Variants in NSUN6 observed in about 807,000 individuals in gnomAD.
NSUN6 encodes the protein NOP2/Sun RNA methyltransferase 6, also known as tRNA (cytosine(72)-C(5))-methyltransferase NSUN6.
A neutral mutation model predicts 58.0 loss-of-function variants in NSUN6; 64 were observed. That is an observed-to-expected ratio of 1.10 (90% CI 0.90 to 1.36). The LOEUF is 1.36. Ranked by LOEUF, NSUN6 falls within the 40% of genes most tolerant of loss-of-function variation. The pLI is 0.00. For synonymous variants in NSUN6, 231 were observed against 193.9 expected (o/e 1.19, Z -1.59); for missense variants, 701 against 550.1 (o/e 1.27, Z -2.74).
At chr10:18,575,196 ATGGTTGTATAGGAATTTATACCC>A (rs1394177125) in intron 8 of NSUN6, among the ~76,000 whole-genome samples, 1 of 152,180 alleles carries the variant, frequency 6.6e-6, no homozygotes, top group Non-Finnish European at 1.5e-5. Context: ...CTCAGAGTTT[ATGGTTGTATAGGAATTTATACCC>A]TGGCCAAACA....
At chr10:18,577,147 G>C (rs1031686112) in intron 8 of NSUN6, among the ~76,000 whole-genome samples, 1 of 152,154 alleles carries the variant, frequency 6.6e-6, no homozygotes, top group African/African-American at 2.4e-5. Context: ...GAGCAATTAG[G>C]GGCTACTAGC....
At chr10:18,645,101 T>C (rs1045998508) in intron 2 of NSUN6, among the ~76,000 whole-genome samples, 1 of 140,506 alleles carries the variant, frequency 7.1e-6, no homozygotes, top group Admixed American at 7.8e-5. Flanking sequence ...GAGGTTGCAG[T>C]GAGCTGAGAT....
intron 9 of NSUN6, among the ~76,000 whole-genome samples, chr10:18,548,991 C>A (rs2054450936): frequency 6.6e-6 from 1 of 152,164 alleles, no homozygotes; most frequent in Non-Finnish European, 1.5e-5. Context: ...GCCTCTTTAT[C>A]TTTTGCCTGG....
At chr10:18,626,746 A>G (rs1210726662) in intron 3 of NSUN6, among the ~76,000 whole-genome samples, 1 of 151,974 alleles carries the variant, frequency 6.6e-6, no homozygotes, top group East Asian at 1.9e-4. Flanking sequence ...TAGCTTGGGC[A>G]ACAAGGGCAA....
At chr10:18,594,913 T>G (rs979015666) in intron 7 of NSUN6, among the ~76,000 whole-genome samples, 3 of 151,944 alleles carry the variant, frequency 2.0e-5, no homozygotes, top group Non-Finnish European at 4.4e-5. Flanking sequence ...TAAGCAGAGG[T>G]TTTTTTTAAT....
chr10:18,626,267 T>A (rs1049436272), intron 3 of NSUN6, among the ~76,000 whole-genome samples: 1 of 148,552 alleles, frequency 6.7e-6, no homozygotes, highest in Admixed American at 6.7e-5. Flanking sequence ...TGGCCAGGCA[T>A]GGTGGCTCCT....
intron 9 of NSUN6, among the ~76,000 whole-genome samples, chr10:18,550,956 C>A (rs2082071104): frequency 6.6e-6 from 1 of 152,092 alleles, no homozygotes; most frequent in African/African-American, 2.4e-5. Context: ...GAACTCCTGA[C>A]CTCAGGTGAT....
chr10:18,633,688 G>C (rs1027614835), intron 3 of NSUN6, among the ~76,000 whole-genome samples: 1 of 152,108 alleles, frequency 6.6e-6, no homozygotes, highest in Non-Finnish European at 1.5e-5. Flanking sequence ...GTTCAGAGGA[G>C]TCAAGTCTGA....
At chr10:18,646,977 C>A (rs2171922) in intron 2 of NSUN6, among the ~76,000 whole-genome samples, 31,028 of 152,030 alleles carry the variant, frequency 0.2, 3,386 homozygotes, top group South Asian at 0.29. Context: ...ATGTTTTATA[C>A]CTGTCATTAC....
At chr10:18,608,730 T>G (rs565176008) in intron 6 of NSUN6, among the ~76,000 whole-genome samples, 1 of 151,332 alleles carries the variant, frequency 6.6e-6, no homozygotes, top group African/African-American at 2.4e-5. Flanking sequence ...CATTATTAAC[T>G]GGAAGGAGTG....
chr10:18,595,600 G>C (rs956905372), intron 7 of NSUN6, among the ~76,000 whole-genome samples: 15 of 152,022 alleles, frequency 9.9e-5, no homozygotes, highest in African/African-American at 3.6e-4. Context: ...ATTCTTTTGG[G>C]GCAAAGAAGA....
At chr10:18,640,029 T>A (rs1275987084) in intron 3 of NSUN6, among the ~76,000 whole-genome samples, 2 of 152,168 alleles carry the variant, frequency 1.3e-5, no homozygotes, top group African/African-American at 4.8e-5. Context: ...TGTCTATCAA[T>A]GGAGGATTGA....
At chr10:18,587,201 G>A (rs922359419) in intron 7 of NSUN6, among the ~76,000 whole-genome samples, 2 of 152,324 alleles carry the variant, frequency 1.3e-5, no homozygotes, top group Middle Eastern at 3.4e-3. Context: ...TCACCAATTT[G>A]ATGTGCCTTG....
At chr10:18,550,257 T>C (rs928430526) in intron 9 of NSUN6, among the ~76,000 whole-genome samples, 6 of 152,226 alleles carry the variant, frequency 3.9e-5, no homozygotes, top group Non-Finnish European at 5.9e-5. Flanking sequence ...CGGCTGTAAC[T>C]AAAGTTTCCT....
intron 10 of NSUN6, among the ~76,000 whole-genome samples, chr10:18,546,473 G>A (rs1019242743): frequency 2.0e-5 from 3 of 152,128 alleles, no homozygotes; most frequent in African/African-American, 7.2e-5. Context: ...TGTGACTTTA[G>A]GTAATGTTAA....
intron 3 of NSUN6, among the ~76,000 whole-genome samples, chr10:18,636,358 TA>T (rs533141020): frequency 3.6e-3 from 470 of 129,090 alleles, no homozygotes; most frequent in Middle Eastern, 0.011. Context: ...TTGACAATGT[TA>T]AAAAAAAAAA....
chr10:18,581,783 G>C (rs2056915878), intron 8 of NSUN6, among the ~76,000 whole-genome samples: 2 of 150,782 alleles, frequency 1.3e-5, no homozygotes, highest in African/African-American at 4.9e-5. Context: ...CCGAGATCGT[G>C]CCACTGTACT....
intron 8 of NSUN6, among the ~76,000 whole-genome samples, chr10:18,557,158 T>C (rs1031275920): frequency 1.3e-5 from 2 of 149,776 alleles, no homozygotes; most frequent in Non-Finnish European, 3.0e-5. Flanking sequence ...TGGAATGCAG[T>C]GGTGAATAGA....
rs553037224 is a variant in NSUN6, at chr10:18,604,444, T to C, written c.657+5401A>G. On this transcript the variant is annotated intron_variant, in intron 6 of 10. Coordinates refer to ENST00000377304, the MANE Select transcript of NSUN6 (RefSeq NM_182543.5). ...TTCTCAGATCTTCCCACTGCTTTGT[T>C]ACTCAAAGTATGGCCCGCAAATCAG... Among the ~76,000 whole-genome samples the C allele has an allele frequency of 6.6e-5, 10 of 152,330 alleles. No individual in the cohort carries two copies. In the South Asian group the frequency reaches 2.1e-3, roughly 32 times the overall value.
Sources: allele counts gnomAD v4.1 joint callset (sites outside exome capture counted in the v4.1 genomes callset), GRCh38; gene constraint gnomAD v4.1.1; transcripts MANE v1.5; gene names NCBI Gene and HGNC (gene_info 2026-07-23, HGNC 2026-07-21).